Variants in UBE3C observed in about 807,000 individuals in gnomAD.
UBE3C encodes the protein ubiquitin protein ligase E3C.
UBE3C carries 42 observed loss-of-function variants against 129.4 expected under a neutral mutation model. The ratio of observed to expected loss-of-function variants is 0.32; its 90% confidence interval spans 0.25 to 0.42. The LOEUF (loss-of-function observed/expected upper bound fraction) is 0.42. UBE3C is among the 10% of genes least tolerant of loss of function. The pLI is 1.00. For synonymous variants in UBE3C, 510 were observed against 492.4 expected, an observed-to-expected ratio of 1.04 and a Z score of -0.47; for missense variants, 1,049 against 1,319.1, an observed-to-expected ratio of 0.80 and a Z score of 3.17.
intron 9 of UBE3C, 51 bp downstream of exon 9, chr7:157,184,080 G>A (rs375495846): frequency 6.0e-5 from 95 of 1,589,214 alleles, no homozygotes; most frequent in East Asian, 5.2e-4. Context: ...CAGCCCCGTC[G>A]GATCTTCTAG....
chr7:157,184,113 A>G, intron 9 of UBE3C, 84 bp downstream of exon 9: 1 of 1,544,118 alleles, frequency 6.5e-7, no homozygotes, highest in South Asian at 1.2e-5. Flanking sequence ...CCGTAGTTTC[A>G]GTTACACAAG....
chr7:157,169,940 T>C (rs1471607734), intron 3 of UBE3C, among the ~76,000 whole-genome samples: 1 of 152,048 alleles, frequency 6.6e-6, no homozygotes, highest in Non-Finnish European at 1.5e-5. Flanking sequence ...CACCTCGGCC[T>C]CTCAAAGTGC....
chr7:157,158,050 C>CTT (rs60257662), intron 1 of UBE3C, among the ~76,000 whole-genome samples: 19 of 101,118 alleles, frequency 1.9e-4, no homozygotes, highest in South Asian at 3.6e-4. Context: ...CTCTTTTTTC[C>CTT]TTTTTTTTTT....
At chr7:157,232,657 T>C (rs1796051678) in intron 18 of UBE3C, among the ~76,000 whole-genome samples, 1 of 152,226 alleles carries the variant, frequency 6.6e-6, no homozygotes, top group Non-Finnish European at 1.5e-5. Flanking sequence ...TGGCCTGTTA[T>C]TCGCATTCTT....
chr7:157,155,710 G>A (rs114700087), intron 1 of UBE3C, among the ~76,000 whole-genome samples: 3,957 of 152,244 alleles, frequency 0.026, 193 homozygotes, highest in African/African-American at 0.091. Flanking sequence ...AAGACAAAAC[G>A]AAAAGAAAAT....
chr7:157,235,195 A>T (rs893957061), intron 18 of UBE3C, among the ~76,000 whole-genome samples: 8 of 152,116 alleles, frequency 5.3e-5, no homozygotes, highest in East Asian at 1.9e-4. Context: ...GTCTCAAATT[A>T]AAAAAAAGAA....
At chr7:157,184,861 TAAGAG>T (rs1463516443) in intron 9 of UBE3C, among the ~76,000 whole-genome samples, 5 of 152,100 alleles carry the variant, frequency 3.3e-5, no homozygotes, top group African/African-American at 7.2e-5. Context: ...TTTTAAAAAA[TAAGAG>T]AAGACAAAGA....
intron 1 of UBE3C, chr7:157,140,018 G>A (rs1807393512): frequency 2.0e-6 from 2 of 985,318 alleles, no homozygotes; most frequent in Admixed American, 6.1e-5. Flanking sequence ...TTGTTCGCAT[G>A]GTAATTGTTT....
In UBE3C at chr7:157,249,746, G is replaced by T. The variant is rs574772571; in HGVS notation, c.2694+1166G>T. ...TTACTGGTTGATGGACATTTGGGTTGTTCCTATGTTTGGGCTAATAAGAAT... is the reference window on the plus strand; with the variant it reads ...TTACTGGTTGATGGACATTTGGGTTTTTCCTATGTTTGGGCTAATAAGAAT... On this transcript the variant is annotated intron_variant, in intron 19 of 22. Coordinates refer to ENST00000348165, the MANE Select transcript of UBE3C (RefSeq NM_014671.3). Among the ~76,000 whole-genome samples the T allele has an allele frequency of 2.6e-5, 4 of 152,312 alleles. No individual in the cohort carries two copies. In the South Asian group the frequency reaches 8.3e-4, roughly 32 times the overall value.
chr7:157,182,792 A>C (rs1808703361), intron 8 of UBE3C, among the ~76,000 whole-genome samples: 3 of 152,094 alleles, frequency 2.0e-5, no homozygotes, highest in Admixed American at 2.0e-4. Flanking sequence ...CTCTGTCACT[A>C]GGCTGGAGTG....
chr7:157,146,724 G>A (rs6977680), intron 1 of UBE3C, among the ~76,000 whole-genome samples: 67,931 of 151,990 alleles, frequency 0.45, 16,951 homozygotes, highest in African/African-American at 0.69. Flanking sequence ...TTGTGACCTC[G>A]GCTCACTGCA....
chr7:157,214,205 G>A (rs1328168087), intron 13 of UBE3C, among the ~76,000 whole-genome samples: 1 of 151,978 alleles, frequency 6.6e-6, no homozygotes, highest in Non-Finnish European at 1.5e-5. Flanking sequence ...TTTAGGATAG[G>A]AAATATGAAA....
chr7:157,186,166 G>A (rs1349744127), intron 9 of UBE3C, among the ~76,000 whole-genome samples: 1 of 152,268 alleles, frequency 6.6e-6, no homozygotes, highest in Non-Finnish European at 1.5e-5. Context: ...GCTCATACCT[G>A]TAATCTCAGC....
At chr7:157,264,316 CA>C (rs2116718458) in intron 22 of UBE3C, among the ~76,000 whole-genome samples, 2 of 127,230 alleles carry the variant, frequency 1.6e-5, no homozygotes, top group African/African-American at 3.0e-5. Context: ...CACACACACA[CA>C]CCTGGTATTA....
intron 7 of UBE3C, 33 bp from the exon 8 acceptor site, chr7:157,182,075 A>G (rs1808678676): frequency 6.6e-7 from 1 of 1,524,332 alleles, no homozygotes; most frequent in African/African-American, 1.4e-5. Context: ...GTATAATTTG[A>G]TTTTATAAAA....
chr7:157,204,702 C>T (rs1586686740), intron 11 of UBE3C, among the ~76,000 whole-genome samples: 1 of 152,302 alleles, frequency 6.6e-6, no homozygotes, highest in East Asian at 1.9e-4. Context: ...GATGAGGGAA[C>T]CCATAGCCAG....
intron 22 of UBE3C, 95 bp downstream of exon 22, chr7:157,257,139 C>T (rs1796772517): frequency 2.0e-6 from 3 of 1,501,130 alleles, no homozygotes; most frequent in Non-Finnish European, 2.7e-6. Context: ...CTTTTACATA[C>T]ACTTTTGTTT....
Position 157,260,636 on chromosome 7 carries a change from T to C in UBE3C, c.3081+3592T>C, listed in dbSNP as rs537302798. ...TTATTATGATAGACAAGGCTTCTAG[T>C]ATCTTTGTTTCAAAACTGGTTTGTT... On this transcript the variant is annotated intron_variant, in intron 22 of 22. Transcript: ENST00000348165. Among the ~76,000 whole-genome samples, 27 of 152,340 alleles carry C rather than the reference T, an allele frequency of 1.8e-4. 1 individual carries two copies. In the South Asian group the frequency reaches 5.6e-3, roughly 32 times the overall value.
At chr7:157,246,390 A>C (rs193299943) in intron 18 of UBE3C, among the ~76,000 whole-genome samples, 1 of 152,210 alleles carries the variant, frequency 6.6e-6, no homozygotes, top group East Asian at 1.9e-4. Context: ...GAAGCTACTT[A>C]CTCCCATGTT....
Sources: gnomAD v4.1 joint callset for allele counts (sites outside exome capture counted in the v4.1 genomes callset) on GRCh38, gnomAD v4.1.1 for gene constraint, MANE v1.5 for transcripts, NCBI Gene and HGNC (gene_info 2026-07-23, HGNC 2026-07-21) for gene names.